AARS1: variants seen among roughly 807,000 people sequenced by gnomAD.
AARS1 encodes the protein alanine--tRNA ligase, cytoplasmic.
A neutral mutation model predicts 108.9 loss-of-function variants in AARS1; 72 were observed. The ratio of observed to expected loss-of-function variants is 0.66; its 90% confidence interval spans 0.55 to 0.80. AARS1 has a LOEUF of 0.80. AARS1 is among the 30% of genes least tolerant of loss of function. AARS1 has a pLI of 0.00. For missense variants in AARS1, 1,193 were observed against 1,233.2 expected, an observed-to-expected ratio of 0.97 and a Z score of 0.49; for synonymous variants, 489 against 465.7, an observed-to-expected ratio of 1.05 and a Z score of -0.64.
Position 70,252,578 on chromosome 16 carries a change from CAT to C in AARS1, c.*141_*142del, listed in dbSNP as rs1278428357. ...GGCAGAAATTTAAGGGGCACTGAGA[CAT>C]AGGACTGCTCCCAAGTGTGTTCCAG... On this transcript the variant is annotated 3_prime_UTR_variant, in exon 21 of 21. Transcript: ENST00000261772. The C allele has an allele frequency of 2.3e-5, 21 of 904,164 alleles. No homozygotes were observed. Among genetic ancestry groups the C allele is most frequent in the Admixed American group, 4.0e-5 (2 of 49,566 alleles). The allele number at this position is 904,164 out of a possible 1,614,324, so 56.0% of individuals were successfully genotyped here. A position where few individuals can be genotyped will look rare whatever the true frequency, so the allele number is the denominator to read the frequency against.
At chr16:70,259,244 C>T (rs1026305039) in intron 13 of AARS1, 58 bp from the exon 14 acceptor site, 49 of 1,525,952 alleles carry the variant, frequency 3.2e-5, no homozygotes, top group Admixed American at 2.5e-4. Flanking sequence ...GTTATCTCCT[C>T]GTTATCTGCT....
intron 15 of AARS1, among the ~76,000 whole-genome samples, chr16:70,257,239 G>A (rs533016507): frequency 2.7e-5 from 4 of 148,362 alleles, no homozygotes; most frequent in South Asian, 2.1e-4. Context: ...ATGAAACTCC[G>A]TCTCAAAAAA....
intron 15 of AARS1, 42 bp downstream of exon 15, chr16:70,257,991 A>T (rs1597435124): frequency 6.3e-7 from 1 of 1,597,760 alleles, no homozygotes; most frequent in Non-Finnish European, 8.6e-7. Flanking sequence ...TCAGAGGATG[A>T]AGGTAGATGA....
chr16:70,287,047 C>T (rs775203), intron 1 of AARS1, among the ~76,000 whole-genome samples: 9 of 151,528 alleles, frequency 5.9e-5, no homozygotes, highest in South Asian at 4.2e-4. Context: ...GTCAGGAGAT[C>T]GAGACCATCC....
chr16:70,258,878 G>A, intron 14 of AARS1, 102 bp downstream of exon 14: 1 of 1,360,484 alleles, frequency 7.4e-7, no homozygotes, highest in East Asian at 2.3e-5. Context: ...TCTACGTGCA[G>A]GACGAATCTG....
chr16:70,262,703 C>G lies in AARS1; in HGVS notation c.1493-179G>C, dbSNP rs184712146. 1.3e-3 allele frequency among the ~76,000 whole-genome samples: 203 copies of G among 152,212 alleles called. 5 individuals are homozygous for G. The highest frequency in any genetic ancestry group is 4.5e-3 in the African/African-American group (186 of 41,538). On this transcript the variant is annotated intron_variant, in intron 11 of 20. Transcript: ENST00000261772. ...AGGGCTTCGCGGCCGGGCGCGGTGG[C>G]TCCCCCTATAATCCCAGCACTTTGG...
chr16:70,286,715 C>A (rs1343840117), intron 1 of AARS1, among the ~76,000 whole-genome samples: 2 of 151,252 alleles, frequency 1.3e-5, no homozygotes, highest in African/African-American at 2.4e-5. Context: ...TGTGGTGGCA[C>A]GCACCTATAA....
intron 2 of AARS1, among the ~76,000 whole-genome samples, chr16:70,278,132 A>G (rs773503556): frequency 7.9e-5 from 12 of 152,092 alleles, no homozygotes; most frequent in Non-Finnish European, 1.5e-4. Context: ...TAATCCCACC[A>G]CTTTGGGAGG....
intron 1 of AARS1, among the ~76,000 whole-genome samples, chr16:70,284,612 A>C (rs766380595): frequency 1.3e-5 from 2 of 152,104 alleles, no homozygotes; most frequent in South Asian, 2.1e-4. Context: ...AACAAACAAA[A>C]ACAAAAACAG....
chr16:70,256,636 C>G (rs182391556), intron 15 of AARS1, among the ~76,000 whole-genome samples: 1 of 152,152 alleles, frequency 6.6e-6, no homozygotes, highest in African/African-American at 2.4e-5. Flanking sequence ...TTCCTGTAGT[C>G]TAAAGGGTAT....
At position 70,253,773 on chromosome 16, in the gene AARS1, C is replaced by A. The variant is rs772849771; in HGVS notation, c.2548G>T (p.Asp850Tyr). ...RVLEKTKQFIDSNPNQPLVIL... is the reference protein window; with the variant it reads ...RVLEKTKQFIYSNPNQPLVIL... ...ACAAGAGGCTGGTTGGGGTTGCTGT[C>A]GATGAACTGCTTCGTCTTCTCTAAC... Residue 850 changes from aspartate to tyrosine, a missense_variant, in exon 19 of 21, where the codon GAC (aspartate) becomes TAC (tyrosine). Asp to Tyr is a radical substitution (Grantham distance 160). Coordinates refer to ENST00000261772, the MANE Select transcript of AARS1 (RefSeq NM_001605.3). 1 of 1,614,146 alleles carries A rather than the reference C, an allele frequency of 6.2e-7. No individual in the cohort carries two copies. The highest frequency in any genetic ancestry group is 1.1e-5 in the South Asian group (1 of 91,074).
At chr16:70,253,491 CAG>C in intron 19 of AARS1, 110 bp from the exon 20 acceptor site, 1 of 1,089,288 alleles carries the variant, frequency 9.2e-7, no homozygotes. Context: ...CTTCCCAGAG[CAG>C]GGGCTGTGCC....
At chr16:70,268,530 C>G in intron 7 of AARS1, 151 bp from the exon 8 acceptor site, 2 of 648,704 alleles carry the variant, frequency 3.1e-6, no homozygotes, top group South Asian at 1.9e-5. Flanking sequence ...TTAATTTTAG[C>G]ACAAGACTCA....
chr16:70,284,173 G>A (rs1212544407), intron 1 of AARS1, among the ~76,000 whole-genome samples: 1 of 151,984 alleles, frequency 6.6e-6, no homozygotes, highest in East Asian at 1.9e-4. Flanking sequence ...GGGCGTGGTG[G>A]CAGGCGCCTG....
In AARS1 at chr16:70,259,025, G is replaced by T; in HGVS notation, c.1947C>A (p.Ile649=). ...CATTAGCAATCTCTTCAGCCTTCTT[G>T]ATCTGTTGGGTGGACATGGCTCCCT... ...TAKGAMSTQQ[I]KKAEEIANEM... The change falls in exon 14 of 21, where the codon ATC becomes ATA. Residue 649 remains isoleucine, a synonymous_variant. Transcript: ENST00000261772. 6.2e-7 allele frequency: 1 copy of T among 1,614,188 alleles called. No homozygotes were observed. The highest frequency in any genetic ancestry group is 2.2e-5 in the East Asian group (1 of 44,886).
rs1335990316 is a variant in AARS1 at position 70,262,505 on chromosome 16, A to C, written c.1512T>G (p.Ala504=). The C allele has an allele frequency of 6.2e-7, 1 of 1,613,322 alleles. No individual in the cohort carries two copies. Among genetic ancestry groups the C allele is most frequent in the Non-Finnish European group, 8.5e-7 (1 of 1,179,440 alleles). Residue 504 remains alanine (A), a synonymous_variant, in exon 12 of 21, where the codon GCT becomes GCG. Transcript: ENST00000261772. The stretch of plus-strand genomic sequence containing the variant: ...TCTCCCTGCGCAGAGCCATCACCGT[A>C]GCCACTGTGTTCTCAAATACTGCTC... ...SGSYVFENTV[A]TVMALRREKM... is the part of the protein sequence containing the mutation.
chr16:70,270,113 T>G, intron 6 of AARS1, 83 bp downstream of exon 6: 3 of 1,541,452 alleles, frequency 1.9e-6, no homozygotes, highest in Non-Finnish European at 2.7e-6. Flanking sequence ...AAGCATATGG[T>G]CATTTTTTCT....
At chr16:70,283,088 G>A (rs542973373) in intron 1 of AARS1, among the ~76,000 whole-genome samples, 3 of 152,202 alleles carry the variant, frequency 2.0e-5, no homozygotes, top group Admixed American at 6.5e-5. Context: ...TGTCAGGCCC[G>A]AGACTAGGAA....
intron 15 of AARS1, among the ~76,000 whole-genome samples, chr16:70,257,008 G>T (rs1052296409): frequency 6.6e-6 from 1 of 152,170 alleles, no homozygotes; most frequent in South Asian, 2.1e-4. Context: ...CCAGCACTTT[G>T]GGAGGCTGAG....
Sources: gnomAD v4.1 joint callset for allele counts (sites outside exome capture counted in the v4.1 genomes callset) on GRCh38, gnomAD v4.1.1 for gene constraint, MANE v1.5 for transcripts, NCBI Gene and HGNC (gene_info 2026-07-23, HGNC 2026-07-21) for gene names.